Variants in SPIDR observed in about 807,000 individuals in gnomAD.
SPIDR encodes the protein DNA repair-scaffolding protein.
In SPIDR, 93 loss-of-function variants were observed where a neutral mutation model predicts 104.6. That is an observed-to-expected ratio of 0.89 (90% CI 0.75 to 1.06). The LOEUF is 1.06. SPIDR is among the 50% of genes least tolerant of loss of function. The probability of loss-of-function intolerance (pLI) is 0.00; values close to 1 mark genes in which losing one functional copy is unlikely to be tolerated. For missense variants in SPIDR, 1,154 were observed against 1,111.2 expected, an observed-to-expected ratio of 1.04 and a Z score of -0.55; for synonymous variants, 431 against 416.9, an observed-to-expected ratio of 1.03 and a Z score of -0.41.
intron 5 of SPIDR, among the ~76,000 whole-genome samples, chr8:47,336,928 C>T (rs894113610): frequency 1.3e-5 from 2 of 152,184 alleles, no homozygotes; most frequent in Admixed American, 6.5e-5. Flanking sequence ...ATATTCTTAT[C>T]AACACAGCCC....
At chr8:47,411,894 C>G (rs1445536944) in intron 7 of SPIDR, among the ~76,000 whole-genome samples, 1 of 152,190 alleles carries the variant, frequency 6.6e-6, no homozygotes, top group Non-Finnish European at 1.5e-5. Context: ...TTTCCCAGCA[C>G]CATTTATTAA....
At chr8:47,503,924 G>C (rs975989372) in intron 8 of SPIDR, among the ~76,000 whole-genome samples, 4 of 152,146 alleles carry the variant, frequency 2.6e-5, no homozygotes, top group African/African-American at 4.8e-5. Flanking sequence ...GAAATTCTGG[G>C]TTGAAAATTC....
intron 8 of SPIDR, among the ~76,000 whole-genome samples, chr8:47,571,274 A>G (rs2058492382): frequency 6.6e-6 from 1 of 152,132 alleles, no homozygotes; most frequent in African/African-American, 2.4e-5. Context: ...TTGCTGAGAG[A>G]GTGGATCTTA....
At position 47,296,794 on chromosome 8, in the gene SPIDR, C is replaced by T. The variant is rs1554573058; in HGVS notation, c.525+2764C>T. ...TCTGTGAAGAATGACATTGGAATTT[C>T]GTTAGGCATTGCATTGAATCTGAAT... On this transcript the variant is annotated intron_variant, in intron 5 of 19. Transcript: ENST00000297423. 1.4e-3 allele frequency among the ~76,000 whole-genome samples: 208 copies of T among 152,150 alleles called. 3 individuals are homozygous for T. The highest frequency in any genetic ancestry group is 2.1e-3 in the Non-Finnish European group (141 of 67,998).
At chr8:47,619,114 A>G (rs753455348) in intron 10 of SPIDR, among the ~76,000 whole-genome samples, 2 of 152,206 alleles carry the variant, frequency 1.3e-5, no homozygotes, top group Non-Finnish European at 2.9e-5. Context: ...GCCTTTTGTA[A>G]TGAATAATCT....
chr8:47,364,592 T>C (rs531516565), intron 5 of SPIDR, among the ~76,000 whole-genome samples: 3 of 152,330 alleles, frequency 2.0e-5, no homozygotes, highest in Admixed American at 6.5e-5. Context: ...TTTTCTTCAG[T>C]TCACAAATAG....
At chr8:47,516,821 T>C (rs2083240071) in intron 8 of SPIDR, among the ~76,000 whole-genome samples, 1 of 152,196 alleles carries the variant, frequency 6.6e-6, no homozygotes, top group African/African-American at 2.4e-5. Context: ...CTGGATTTTA[T>C]GGTTTGACTT....
intron 8 of SPIDR, among the ~76,000 whole-genome samples, chr8:47,481,202 TAA>T (rs2076863601): frequency 6.6e-6 from 1 of 152,250 alleles, no homozygotes; most frequent in East Asian, 1.9e-4. Context: ...CTATAAGGTG[TAA>T]TGGTCTTTTC....
intron 5 of SPIDR, among the ~76,000 whole-genome samples, chr8:47,302,446 G>A (rs925143589): frequency 0.46 from 70,198 of 151,310 alleles, 19,527 homozygotes; most frequent in African/African-American, 0.79. Context: ...CTCTCAACTC[G>A]TCAAAGTCAC....
chr8:47,682,002 G>T (rs751654190), intron 11 of SPIDR, among the ~76,000 whole-genome samples: 2 of 152,028 alleles, frequency 1.3e-5, no homozygotes, highest in African/African-American at 2.4e-5. Context: ...AGGAATTTAT[G>T]TGCTTAGACC....
At chr8:47,592,802 G>T (rs556121433) in intron 8 of SPIDR, among the ~76,000 whole-genome samples, 2 of 152,294 alleles carry the variant, frequency 1.3e-5, no homozygotes, top group South Asian at 4.1e-4. Context: ...GAGTAGGAAA[G>T]CCTCTTGTAT....
intron 16 of SPIDR, among the ~76,000 whole-genome samples, chr8:47,723,308 T>A (rs1442219553): frequency 6.6e-6 from 1 of 152,334 alleles, no homozygotes; most frequent in South Asian, 2.1e-4. Flanking sequence ...ACTGTATTTA[T>A]AACTGTTTTC....
chr8:47,458,166 C>CT (rs1554710937), intron 8 of SPIDR, among the ~76,000 whole-genome samples: 1 of 152,026 alleles, frequency 6.6e-6, no homozygotes, highest in East Asian at 1.9e-4. Flanking sequence ...TTGTAGATTG[C>CT]TTTTGGCAGT....
chr8:47,598,813 A>G (rs904086456), intron 9 of SPIDR, 133 bp from the exon 10 acceptor site: 1 of 1,136,216 alleles, frequency 8.8e-7, no homozygotes, highest in Admixed American at 2.7e-5. Flanking sequence ...CTTCATCATC[A>G]CTTCAGTGTA....
chr8:47,457,422 G>C lies in SPIDR; in HGVS notation c.1097+16880G>C, dbSNP rs141424965. The stretch of plus-strand genomic sequence containing the variant: ...GTATATCTTCTTTTGAGAATTGTCT[G>C]TTCATATCCTTAACCCCCTTTTTGT... On this transcript the variant is annotated intron_variant, in intron 8 of 19. Transcript: ENST00000297423. Among the ~76,000 whole-genome samples the C allele has an allele frequency of 1.1e-4, 17 of 152,098 alleles. No individual in the cohort carries two copies. The East Asian group carries it at 2.9e-3, about 26-fold the overall frequency.
intron 3 of SPIDR, among the ~76,000 whole-genome samples, chr8:47,286,992 A>G (rs1189187296): frequency 6.6e-6 from 1 of 152,094 alleles, no homozygotes; most frequent in Non-Finnish European, 1.5e-5. Flanking sequence ...TATTTTCCCT[A>G]AGTGTCGGCC....
At chr8:47,614,002 C>T (rs981936058) in intron 10 of SPIDR, among the ~76,000 whole-genome samples, 1 of 152,076 alleles carries the variant, frequency 6.6e-6, no homozygotes, top group Non-Finnish European at 1.5e-5. Context: ...GCTATTTATC[C>T]TGAGGCTCTC....
At chr8:47,650,523 C>T (rs763853679) in intron 10 of SPIDR, among the ~76,000 whole-genome samples, 3 of 152,112 alleles carry the variant, frequency 2.0e-5, no homozygotes, top group Non-Finnish European at 4.4e-5. Context: ...TGAAAATGGT[C>T]GTGCTGCCCA....
intron 10 of SPIDR, among the ~76,000 whole-genome samples, chr8:47,614,822 T>TA (rs2064080225): frequency 6.6e-6 from 1 of 152,230 alleles, no homozygotes; most frequent in Non-Finnish European, 1.5e-5. Context: ...ATCAACAGTG[T>TA]AACAGTGTTC....
Sources: gnomAD v4.1 joint callset for allele counts (sites outside exome capture counted in the v4.1 genomes callset) on GRCh38, gnomAD v4.1.1 for gene constraint, MANE v1.5 for transcripts, NCBI Gene and HGNC (gene_info 2026-07-23, HGNC 2026-07-21) for gene names.